Variants in DEPDC1 observed in about 807,000 individuals in gnomAD.
The protein encoded by DEPDC1 is DEP domain containing 1, also known as DEP domain-containing protein 1A.
DEPDC1 carries 66 observed loss-of-function variants against 86.8 expected under a neutral mutation model. The ratio of observed to expected loss-of-function variants is 0.76; its 90% CI spans 0.62 to 0.93. The LOEUF (loss-of-function observed/expected upper bound fraction) is 0.93. DEPDC1 is among the 40% of genes least tolerant of loss of function. The pLI is 0.00. For missense variants in DEPDC1, 792 were observed against 935.7 expected (o/e 0.85, Z 2.00); for synonymous variants, 255 against 314.9 (o/e 0.81, Z 2.02).
At chr1:68,494,223 T>G (rs761096331) in intron 2 of DEPDC1, among the ~76,000 whole-genome samples, 4 of 152,254 alleles carry the variant, frequency 2.6e-5, no homozygotes, top group African/African-American at 7.2e-5. Context: ...TTATTATATA[T>G]GCTAACACTT....
chr1:68,493,168 AAG>A (rs201028994), intron 2 of DEPDC1, among the ~76,000 whole-genome samples: 2 of 152,226 alleles, frequency 1.3e-5, no homozygotes, highest in East Asian at 3.9e-4. Context: ...GGGAGTAGTT[AAG>A]AGAGGGAAGA....
At chr1:68,490,809 C>T (rs1247194960) in intron 2 of DEPDC1, among the ~76,000 whole-genome samples, 1 of 152,044 alleles carries the variant, frequency 6.6e-6, no homozygotes, top group African/African-American at 2.4e-5. Context: ...GTAACCAAAA[C>T]AAAATGGTAC....
rs1480086038 is a variant in DEPDC1, at chr1:68,476,139, AT to A, written c.*792del. Reference sequence around the variant, plus strand: ...TAGGTGTATCTCCCTTGATTAAAAAATAAATACCTTATGGAAGAGATTATAT... The same window carrying A: ...TAGGTGTATCTCCCTTGATTAAAAAAAAATACCTTATGGAAGAGATTATAT... On this transcript the variant is annotated 3_prime_UTR_variant, in exon 12 of 12. Transcript: ENST00000456315. The A allele has an allele frequency of 6.6e-6, 1 of 152,022 alleles. No homozygotes were observed. The highest frequency in any genetic ancestry group is 2.4e-5 in the African/African-American group (1 of 41,554). The allele number at this position is 152,022 out of a possible 1,614,324, so 9.4% of individuals were successfully genotyped here.
chr1:68,487,885 A>G (rs1646203147), intron 5 of DEPDC1, among the ~76,000 whole-genome samples: 1 of 151,880 alleles, frequency 6.6e-6, no homozygotes, highest in Non-Finnish European at 1.5e-5. Context: ...AAAACAAAAA[A>G]GCCAGTCCCT....
chr1:68,483,366 G>A, intron 7 of DEPDC1: 1 of 501,534 alleles, frequency 2.0e-6, no homozygotes, highest in South Asian at 1.5e-5. Context: ...CTGAGTTCAT[G>A]CTAAGGTAAC....
chr1:68,476,434 T>C lies in DEPDC1; in HGVS notation c.*498A>G, dbSNP rs564879841. The C allele has an allele frequency of 6.6e-6, 1 of 151,876 alleles. No individual in the cohort carries two copies. Among genetic ancestry groups the C allele is most frequent in the East Asian group, 1.9e-4 (1 of 5,178 alleles). The allele number at this position is 151,876 out of a possible 1,614,324, so 9.4% of individuals were successfully genotyped here. A position where few individuals can be genotyped will look rare whatever the true frequency, so the allele number is the denominator to read the frequency against. On this transcript the variant is annotated 3_prime_UTR_variant, in exon 12 of 12. Coordinates refer to ENST00000456315, the MANE Select transcript of DEPDC1 (RefSeq NM_001114120.3). ...TACATATATATAAATAGATCAAAAG[T>C]GGAAAAAGAATATATAAAAGAGTGC...
At position 68,487,128 on chromosome 1, in the gene DEPDC1, A is replaced by G. The variant is rs542238047; in HGVS notation, c.722-144T>C. 9 of 590,278 alleles carry G rather than the reference A, an allele frequency of 1.5e-5. No homozygotes were observed. In the South Asian group the frequency reaches 5.8e-4, roughly 38 times the overall value. The allele number at this position is 590,278 out of a possible 1,614,324, so 36.6% of individuals were successfully genotyped here. A position where few individuals can be genotyped will look rare whatever the true frequency, so the allele number is the denominator to read the frequency against. On this transcript the variant is annotated intron_variant, in intron 5 of 11. Transcript: ENST00000456315. ...ATTTGTATATGTGTGTATTACCAGG[A>G]TTAAAAAGTATTATATGTTTAATAA... is the stretch of plus-strand genomic sequence containing the variant.
At chr1:68,491,747 A>C (rs1286389404) in intron 2 of DEPDC1, among the ~76,000 whole-genome samples, 2 of 151,924 alleles carry the variant, frequency 1.3e-5, no homozygotes, top group Admixed American at 6.6e-5. Context: ...GTGTTTTTTC[A>C]CTTTATCATA....
chr1:68,497,028 G>T lies in DEPDC1; in HGVS notation c.-29C>A, dbSNP rs1462349072. The stretch of plus-strand genomic sequence containing the variant: ...TCTGTCAGCGCCCGGTGGCGTCCAT[G>T]GCGGCGAAGGCGACACTCAGGCCCA... On this transcript the variant is annotated 5_prime_UTR_variant, in exon 1 of 12. Coordinates refer to ENST00000456315, the MANE Select transcript of DEPDC1 (RefSeq NM_001114120.3). 1 of 1,610,370 alleles carries T rather than the reference G, an allele frequency of 6.2e-7. No homozygotes were observed. The highest frequency in any genetic ancestry group is 8.5e-7 in the Non-Finnish European group (1 of 1,177,820).
intron 2 of DEPDC1, among the ~76,000 whole-genome samples, chr1:68,491,006 C>T (rs1167457722): frequency 6.6e-6 from 1 of 152,060 alleles, no homozygotes; most frequent in African/African-American, 2.4e-5. Context: ...AATGGGACAC[C>T]TTCTTACACC....
At position 68,489,611 on chromosome 1, in the gene DEPDC1, G is replaced by C; in HGVS notation, c.315-3C>G. 1 of 1,527,650 alleles carries C rather than the reference G, an allele frequency of 6.5e-7. No homozygotes were observed. Among genetic ancestry groups the C allele is most frequent in the East Asian group, 2.6e-5 (1 of 38,992 alleles). 94.6% of individuals were successfully genotyped at this position (1,527,650 alleles called of 1,614,324 possible). ...TAAGTGGCGAAGTTGCAGGAAATCT[G>C]GTTTAAAAACAATAAGCAATTAAAT... On this transcript the variant is annotated splice_polypyrimidine_tract_variant and splice_region_variant and intron_variant, in intron 2 of 11. Coordinates refer to ENST00000456315, the MANE Select transcript of DEPDC1 (RefSeq NM_001114120.3).
At position 68,489,597 on chromosome 1, in the gene DEPDC1, G is replaced by T. The variant is rs1646216096; in HGVS notation, c.326C>A (p.Thr109Asn). 1 of 1,534,458 alleles carries T rather than the reference G, an allele frequency of 6.5e-7. No individual in the cohort carries two copies. Among genetic ancestry groups the T allele is most frequent in the Non-Finnish European group, 8.7e-7 (1 of 1,152,000 alleles). ...TCGTGGTAGAGTTTTAAGTGGCGAA[G>T]TTGCAGGAAATCTGGTTTAAAAACA... ...DNNQLFRFPA[T>N]SPLKTLPRRY... The change falls in exon 3 of 12, where the codon ACT becomes AAT. Residue 109 changes from threonine (T) to asparagine (N), a missense_variant. By Grantham distance (65) the Thr-to-Asn change is moderately conservative (BLOSUM62 0). Coordinates refer to ENST00000456315, the MANE Select transcript of DEPDC1 (RefSeq NM_001114120.3).
chr1:68,494,416 T>C lies in DEPDC1; in HGVS notation c.314+14A>G. ...ACAGTAATTCAGTTTTACAGTTACA[T>C]ATCTGTTCATTACCTGAAGAGCTGG... is the stretch of plus-strand genomic sequence containing the variant. On this transcript the variant is annotated intron_variant, in intron 2 of 11. Transcript: ENST00000456315. 1 of 1,608,104 alleles carries C rather than the reference T, an allele frequency of 6.2e-7. No homozygotes were observed. The highest frequency in any genetic ancestry group is 8.5e-7 in the Non-Finnish European group (1 of 1,175,892).
rs572943175 is a variant in DEPDC1, at chr1:68,482,071, A to G, written c.1737T>C (p.Ala579=). The change falls in exon 8 of 12, where the codon GCT becomes GCC. Residue 579 remains alanine, a synonymous_variant. Coordinates refer to ENST00000456315, the MANE Select transcript of DEPDC1 (RefSeq NM_001114120.3). The part of the protein sequence containing the change: ...IELSENSLLP[A]SSMLTGTQSL... Reference sequence around the variant, plus strand: ...TTTGTGTGCCAGTCAACATAGAAGAAGCTGGAAGTAAAGAATTTTCTGAAA... The same window carrying G: ...TTTGTGTGCCAGTCAACATAGAAGAGGCTGGAAGTAAAGAATTTTCTGAAA... The G allele has an allele frequency of 6.2e-7, 1 of 1,601,288 alleles. No individual in the cohort carries two copies. The highest frequency in any genetic ancestry group is 8.5e-7 in the Non-Finnish European group (1 of 1,175,282).
chr1:68,485,447 T>A (rs1385115032), intron 6 of DEPDC1, among the ~76,000 whole-genome samples: 2 of 152,084 alleles, frequency 1.3e-5, no homozygotes, highest in African/African-American at 2.4e-5. Context: ...AATTCCTACA[T>A]CTCACAGAAT....
intron 8 of DEPDC1, 160 bp from the exon 9 acceptor site, chr1:68,481,772 C>G: frequency 1.5e-6 from 1 of 659,902 alleles, no homozygotes; most frequent in African/African-American, 1.8e-5. Context: ...GTAAGATTCT[C>G]ATTATTTTCT....
chr1:68,481,677 T>C, intron 8 of DEPDC1, 65 bp from the exon 9 acceptor site: 1 of 1,230,234 alleles, frequency 8.1e-7, no homozygotes, highest in South Asian at 1.7e-5. Context: ...ACTACCAGTA[T>C]ATACAGCTAT....
chr1:68,488,844 T>A (rs1287351296), intron 4 of DEPDC1, 72 bp downstream of exon 4: 8 of 969,568 alleles, frequency 8.3e-6, no homozygotes, highest in Non-Finnish European at 1.2e-5. Context: ...TTCATTTGCA[T>A]ATTTTGATGA....
intron 6 of DEPDC1, 80 bp downstream of exon 6, chr1:68,486,853 CTTGG>C: frequency 7.8e-7 from 1 of 1,282,932 alleles, no homozygotes; most frequent in Middle Eastern, 2.7e-4. Context: ...ATTAAATTTC[CTTGG>C]TTCTTGTTAA....
Sources: gnomAD v4.1 joint callset for allele counts (sites outside exome capture counted in the v4.1 genomes callset) on GRCh38, gnomAD v4.1.1 for gene constraint, MANE v1.5 for transcripts, NCBI Gene and HGNC (gene_info 2026-07-23, HGNC 2026-07-21) for gene names.